CDH12: variants seen among roughly 807,000 people sequenced by gnomAD.
CDH12 encodes the protein cadherin 12, also known as cadherin-12.
In CDH12, 41 loss-of-function variants were observed where a neutral mutation model predicts 74.1. That is an observed-to-expected ratio of 0.55 (90% CI 0.43 to 0.72). The LOEUF (loss-of-function observed/expected upper bound fraction) is 0.72, where lower values mean the gene tolerates loss of function less well. CDH12 is among the 30% of genes least tolerant of loss of function. The probability of loss-of-function intolerance (pLI) is 0.00; values close to 1 mark genes in which losing one functional copy is unlikely to be tolerated. For synonymous variants in CDH12, 399 were observed against 355.0 expected (o/e 1.12, Z -1.39); for missense variants, 945 against 977.2 (o/e 0.97, Z 0.44).
At chr5:21,939,717 A>G (rs1241650798) in intron 6 of CDH12, among the ~76,000 whole-genome samples, 5 of 152,190 alleles carry the variant, frequency 3.3e-5, no homozygotes, top group African/African-American at 4.8e-5. Flanking sequence ...AGACTAAAAT[A>G]TGCATTTGTG....
chr5:21,950,455 A>G (rs1412929416), intron 6 of CDH12, among the ~76,000 whole-genome samples: 1 of 151,400 alleles, frequency 6.6e-6, no homozygotes. Context: ...AACAAATAAC[A>G]AAGTGGTAGA....
chr5:22,815,765 G>A (rs1418604219), intron 1 of CDH12, among the ~76,000 whole-genome samples: 28 of 91,552 alleles, frequency 3.1e-4, no homozygotes, highest in African/African-American at 8.2e-4. Context: ...AGGAGACTCC[G>A]TCTCAAAAAA....
intron 6 of CDH12, among the ~76,000 whole-genome samples, chr5:21,896,782 A>G (rs1024525129): frequency 1.3e-5 from 2 of 152,210 alleles, no homozygotes; most frequent in African/African-American, 4.8e-5. Flanking sequence ...TTTCAGAAAA[A>G]TGAGACTATA....
intron 3 of CDH12, among the ~76,000 whole-genome samples, chr5:22,234,680 G>A (rs1031078010): frequency 8.0e-5 from 12 of 149,400 alleles, no homozygotes; most frequent in African/African-American, 3.0e-4. Context: ...CTTTATATGT[G>A]AATGTGCATA....
intron 3 of CDH12, among the ~76,000 whole-genome samples, chr5:22,404,778 C>G (rs1472902350): frequency 6.6e-6 from 1 of 152,090 alleles, no homozygotes; most frequent in African/African-American, 2.4e-5. Context: ...TCTGTGTTTC[C>G]CCTGGATATT....
intron 1 of CDH12, among the ~76,000 whole-genome samples, chr5:22,603,840 C>T (rs269878): frequency 0.56 from 84,935 of 151,892 alleles, 24,085 homozygotes; most frequent in East Asian, 0.68. Flanking sequence ...TTTTAAGGAG[C>T]TTTCCTGTAA....
chr5:22,303,990 T>G (rs1372495492), intron 3 of CDH12, among the ~76,000 whole-genome samples: 4 of 152,150 alleles, frequency 2.6e-5, no homozygotes, highest in African/African-American at 9.7e-5. Context: ...TACTAAACAT[T>G]TTATAACAAC....
chr5:22,834,381 T>C (rs1460183359), intron 1 of CDH12, among the ~76,000 whole-genome samples: 1 of 152,184 alleles, frequency 6.6e-6, no homozygotes, highest in African/African-American at 2.4e-5. Flanking sequence ...TTAATTAATT[T>C]GACCTCAACA....
intron 11 of CDH12, among the ~76,000 whole-genome samples, chr5:21,765,762 A>C (rs948138128): frequency 6.6e-6 from 1 of 152,088 alleles, no homozygotes; most frequent in Admixed American, 6.6e-5. Flanking sequence ...GCTTCTGCCA[A>C]AATTCCATCA....
At chr5:22,181,383 C>A (rs1297174132) in intron 4 of CDH12, among the ~76,000 whole-genome samples, 1 of 152,102 alleles carries the variant, frequency 6.6e-6, no homozygotes, top group Non-Finnish European at 1.5e-5. Context: ...CCCCATCCTC[C>A]TTTACAGTCT....
chr5:21,887,395 A>G (rs1752685474), intron 6 of CDH12, among the ~76,000 whole-genome samples: 2 of 152,204 alleles, frequency 1.3e-5, no homozygotes, highest in Admixed American at 1.3e-4. Context: ...ATAAGAAAGT[A>G]ACTGAAGGAG....
rs1284960615 is a variant in CDH12 at position 22,727,463 on chromosome 5, A to C, written c.-523+125595T>G. On this transcript the variant is annotated intron_variant, in intron 1 of 14. Coordinates refer to ENST00000382254, the MANE Select transcript of CDH12 (RefSeq NM_004061.5). ...AAGACAAGAAAATTATACCTCTAGTAATCATATCCATACTTCACATACTAT... is the reference window on the plus strand; with the variant it reads ...AAGACAAGAAAATTATACCTCTAGTCATCATATCCATACTTCACATACTAT... Among the ~76,000 whole-genome samples, 3 of 151,730 alleles carry C rather than the reference A, an allele frequency of 2.0e-5. No individual in the cohort carries two copies. In the South Asian group the frequency reaches 6.2e-4, roughly 31 times the overall value.
intron 1 of CDH12, among the ~76,000 whole-genome samples, chr5:22,756,319 A>G (rs1418316481): frequency 6.6e-6 from 1 of 152,146 alleles, no homozygotes; most frequent in African/African-American, 2.4e-5. Context: ...TCAAAGATAC[A>G]TAAGTTCCCT....
chr5:21,966,918 G>A (rs1756612442), intron 6 of CDH12, among the ~76,000 whole-genome samples: 1 of 152,092 alleles, frequency 6.6e-6, no homozygotes, highest in Admixed American at 6.6e-5. Flanking sequence ...CCAGACAGAG[G>A]TTCCAAGTCT....
intron 3 of CDH12, among the ~76,000 whole-genome samples, chr5:22,230,339 T>C (rs1752337966): frequency 6.6e-6 from 1 of 152,148 alleles, no homozygotes; most frequent in Admixed American, 6.5e-5. Context: ...TTTTCTGGTA[T>C]CCTTAGTGTT....
At chr5:22,204,469 A>T (rs1457040429) in intron 4 of CDH12, among the ~76,000 whole-genome samples, 1 of 152,182 alleles carries the variant, frequency 6.6e-6, no homozygotes, top group Non-Finnish European at 1.5e-5. Context: ...CCCAATTCAC[A>T]TGTATTTTTT....
At chr5:22,433,730 T>C (rs774547733) in intron 2 of CDH12, among the ~76,000 whole-genome samples, 9 of 152,144 alleles carry the variant, frequency 5.9e-5, no homozygotes, top group Non-Finnish European at 1.0e-4. Context: ...GAAAGCTCAG[T>C]ACTTACAAGC....
chr5:22,518,345 C>A (rs183448050), intron 1 of CDH12, among the ~76,000 whole-genome samples: 422 of 152,184 alleles, frequency 2.8e-3, no homozygotes, highest in Non-Finnish European at 4.5e-3. Context: ...CTCTTTGGAG[C>A]CTGTTGTATT....
intron 2 of CDH12, among the ~76,000 whole-genome samples, chr5:22,407,218 CCT>C (rs1742977270): frequency 6.6e-6 from 1 of 151,918 alleles, no homozygotes; most frequent in Admixed American, 6.6e-5. Flanking sequence ...AATTATTCAC[CCT>C]GTCTCTCACA....
Sources: gnomAD v4.1 joint callset for allele counts (sites outside exome capture counted in the v4.1 genomes callset) on GRCh38, gnomAD v4.1.1 for gene constraint, MANE v1.5 for transcripts, NCBI Gene and HGNC (gene_info 2026-07-23, HGNC 2026-07-21) for gene names.